The following LTBP1 variants were observed in gnomAD, a reference collection of about 807,000 sequenced individuals.
LTBP1 encodes latent-transforming growth factor beta-binding protein 1.
In LTBP1, 129 loss-of-function variants were observed where a neutral mutation model predicts 207.6. The observed-to-expected ratio is 0.62, with a 90% CI of 0.54 to 0.72. The LOEUF (loss-of-function observed/expected upper bound fraction) is 0.72, where lower values mean the gene tolerates loss of function less well. Ranked by LOEUF, LTBP1 falls within the 30% of genes least tolerant of loss-of-function variation. LTBP1 has a pLI of 0.00. For synonymous variants in LTBP1, 963 were observed against 833.7 expected, an observed-to-expected ratio of 1.16 and a Z score of -2.67; for missense variants, 2,281 against 2,217.2, an observed-to-expected ratio of 1.03 and a Z score of -0.58.
At chr2:33,183,868 G>A (rs891510752) in intron 5 of LTBP1, among the ~76,000 whole-genome samples, 13 of 152,132 alleles carry the variant, frequency 8.5e-5, no homozygotes, top group African/African-American at 3.1e-4. Flanking sequence ...ACTAATGAAG[G>A]TATTTTTCAG....
At chr2:33,175,649 A>T (rs1372422695) in intron 5 of LTBP1, among the ~76,000 whole-genome samples, 1 of 152,214 alleles carries the variant, frequency 6.6e-6, no homozygotes, top group Non-Finnish European at 1.5e-5. Flanking sequence ...CCATCCCATT[A>T]CTGGGTATAT....
intron 24 of LTBP1, among the ~76,000 whole-genome samples, chr2:33,341,588 G>A (rs1039642579): frequency 1.3e-4 from 20 of 151,360 alleles, no homozygotes; most frequent in Non-Finnish European, 1.0e-4. Flanking sequence ...GCGAGTGCCT[G>A]TAGTCCCAGC....
intron 10 of LTBP1, among the ~76,000 whole-genome samples, chr2:33,247,584 T>C (rs1286525849): frequency 6.6e-6 from 1 of 152,254 alleles, no homozygotes; most frequent in Non-Finnish European, 1.5e-5. Flanking sequence ...AGAAATCATA[T>C]GGCACACAAA....
At chr2:33,077,658 C>T (rs378266) in intron 3 of LTBP1, among the ~76,000 whole-genome samples, 114,726 of 152,102 alleles carry the variant, frequency 0.75, 45,469 homozygotes, top group East Asian at 0.98. Context: ...GAACCGGCCC[C>T]ACCTCCAATA....
chr2:33,126,478 A>T (rs1283512325), intron 4 of LTBP1, among the ~76,000 whole-genome samples: 4 of 152,226 alleles, frequency 2.6e-5, no homozygotes, highest in African/African-American at 9.6e-5. Flanking sequence ...CATATTTTAA[A>T]ACCATCACAG....
At chr2:33,236,079 A>G (rs2092034775) in intron 9 of LTBP1, among the ~76,000 whole-genome samples, 1 of 152,158 alleles carries the variant, frequency 6.6e-6, no homozygotes, top group Admixed American at 6.5e-5. Context: ...CTTAGAATAT[A>G]TTGTTCTTGG....
At chr2:33,025,996 C>A (rs1364365072) in intron 3 of LTBP1, among the ~76,000 whole-genome samples, 3 of 152,190 alleles carry the variant, frequency 2.0e-5, no homozygotes, top group Non-Finnish European at 4.4e-5. Flanking sequence ...AGTATGCCAC[C>A]TCCTAATTGA....
Position 33,149,228 on chromosome 2 carries a change from CA to C in LTBP1, c.1201+14295del, listed in dbSNP as rs58303103. 1.9e-3 allele frequency among the ~76,000 whole-genome samples: 159 copies of C among 82,828 alleles called. 1 individual carries two copies. Among genetic ancestry groups the C allele is most frequent in the East Asian group, 0.019 (50 of 2,610 alleles). The allele number at this position is 82,828 out of a possible 152,430, so 54.3% of individuals were successfully genotyped here. On this transcript the variant is annotated intron_variant, in intron 5 of 33. Transcript: ENST00000404816. ...AGACTCCGTCTCACTCACAAAAAAA[CA>C]AAAAAAAAAAAAAAAAAAAAAAAAA...
At chr2:33,358,854 G>A (rs548194307) in intron 26 of LTBP1, among the ~76,000 whole-genome samples, 3 of 152,210 alleles carry the variant, frequency 2.0e-5, no homozygotes, top group South Asian at 2.1e-4. Context: ...TTTAAAATAC[G>A]TACTCTTAGT....
intron 9 of LTBP1, among the ~76,000 whole-genome samples, 171 bp from the exon 10 acceptor site, chr2:33,243,491 G>A (rs1251304484): frequency 6.6e-6 from 1 of 152,122 alleles, no homozygotes; most frequent in African/African-American, 2.4e-5. Context: ...TATATAAATT[G>A]TAAATGTTCA....
intron 5 of LTBP1, among the ~76,000 whole-genome samples, chr2:33,167,599 G>T (rs535323234): frequency 2.6e-5 from 4 of 152,364 alleles, no homozygotes; most frequent in South Asian, 4.1e-4. Context: ...TTCCAGCTTT[G>T]CCCTGGCATC....
intron 7 of LTBP1, among the ~76,000 whole-genome samples, chr2:33,189,190 TATTG>T (rs77025991): frequency 4.6e-5 from 7 of 151,070 alleles, no homozygotes; most frequent in Admixed American, 1.3e-4. Flanking sequence ...TTTATTTGTT[TATTG>T]ATTGATTGAT....
intron 5 of LTBP1, among the ~76,000 whole-genome samples, chr2:33,138,512 T>A (rs983749094): frequency 6.6e-6 from 1 of 152,094 alleles, no homozygotes; most frequent in Non-Finnish European, 1.5e-5. Context: ...AATGGAAACC[T>A]ATCCCTTGTT....
intron 13 of LTBP1, among the ~76,000 whole-genome samples, chr2:33,261,149 T>C (rs957582338): frequency 2.0e-5 from 3 of 152,346 alleles, no homozygotes; most frequent in Admixed American, 2.0e-4. Flanking sequence ...ACTGCCATTG[T>C]AATCAGTGGG....
At chr2:33,320,756 G>T (rs957817878) in intron 24 of LTBP1, among the ~76,000 whole-genome samples, 4 of 152,166 alleles carry the variant, frequency 2.6e-5, no homozygotes, top group African/African-American at 9.7e-5. Context: ...TGTAAACTAT[G>T]GACTTTGGAT....
At position 33,347,493 on chromosome 2, in the gene LTBP1, G is replaced by A. The variant is rs139673362; in HGVS notation, c.3983G>A (p.Arg1328His). Residue 1328 changes from arginine to histidine, a missense_variant, in exon 26 of 34, where the codon CGC becomes CAC. By Grantham distance (29) the Arg-to-His change is conservative. Coordinates refer to ENST00000404816, the MANE Select transcript of LTBP1 (RefSeq NM_206943.4). ...QEYSPMTGQCRSRTSTDLDVD... is the reference protein window; with the variant it reads ...QEYSPMTGQCHSRTSTDLDVD... Reference sequence around the variant, plus strand: ...TACAGCCCCATGACTGGGCAGTGCCGCTCCCGGACCTCCACAGGTAAGTCC... The same window carrying A: ...TACAGCCCCATGACTGGGCAGTGCCACTCCCGGACCTCCACAGGTAAGTCC... The A allele has an allele frequency of 2.8e-5, 46 of 1,614,070 alleles. No homozygotes were observed. The highest frequency in any genetic ancestry group is 1.7e-4 in the Middle Eastern group (1 of 6,032).
intron 7 of LTBP1, among the ~76,000 whole-genome samples, chr2:33,203,696 A>G (rs2089574715): frequency 6.6e-6 from 1 of 152,182 alleles, no homozygotes; most frequent in Non-Finnish European, 1.5e-5. Flanking sequence ...ACCATATTTT[A>G]TACCTCTAGG....
At chr2:33,173,755 A>C (rs964747544) in intron 5 of LTBP1, among the ~76,000 whole-genome samples, 1 of 145,190 alleles carries the variant, frequency 6.9e-6, no homozygotes. Context: ...AAAAATCCTC[A>C]ATAAAATACT....
chr2:33,228,468 G>A (rs1002075844), intron 9 of LTBP1, among the ~76,000 whole-genome samples: 1 of 151,994 alleles, frequency 6.6e-6, no homozygotes, highest in Non-Finnish European at 1.5e-5. Flanking sequence ...GTAGAATGAG[G>A]CCAGAACTTA....
Sources: gnomAD v4.1 joint callset for allele counts (sites outside exome capture counted in the v4.1 genomes callset) on GRCh38, gnomAD v4.1.1 for gene constraint, MANE v1.5 for transcripts, NCBI Gene and HGNC (gene_info 2026-07-23, HGNC 2026-07-21) for gene names.